Variants in LRP1 observed in about 807,000 individuals in gnomAD.
The protein encoded by LRP1 is prolow-density lipoprotein receptor-related protein 1.
LRP1 carries 51 observed loss-of-function variants against 541.5 expected under a neutral mutation model. That is an observed-to-expected ratio of 0.09 (90% CI 0.08 to 0.12). The LOEUF (loss-of-function observed/expected upper bound fraction) is 0.12, where lower values mean the gene tolerates loss of function less well. Among genes scored for constraint, LRP1 ranks in the 10% least tolerant of loss-of-function variants. The probability of loss-of-function intolerance (pLI) is 1.00; values close to 1 mark genes in which losing one functional copy is unlikely to be tolerated. For synonymous variants in LRP1, 2,219 were observed against 2,470.8 expected, an observed-to-expected ratio of 0.90 and a Z score of 3.02; for missense variants, 3,878 against 6,376.2, an observed-to-expected ratio of 0.61 and a Z score of 13.34.
intron 2 of LRP1, 91 bp from the exon 3 acceptor site, chr12:57,141,283 C>T (rs939152674): frequency 6.7e-7 from 1 of 1,496,668 alleles, no homozygotes; most frequent in Non-Finnish European, 9.1e-7. Flanking sequence ...ATCTGAAACC[C>T]CAGTTTTATC....
chr12:57,131,282 T>A (rs34518518), intron 1 of LRP1, among the ~76,000 whole-genome samples: 2,179 of 152,266 alleles, frequency 0.014, 24 homozygotes, highest in Non-Finnish European at 0.019. Flanking sequence ...CCCCTGCCCT[T>A]TGGGGAGTAA....
At chr12:57,157,095 CT>C (rs1406633313) in intron 10 of LRP1, among the ~76,000 whole-genome samples, 175 bp downstream of exon 10, 1 of 152,166 alleles carries the variant, frequency 6.6e-6, no homozygotes, top group Non-Finnish European at 1.5e-5. Flanking sequence ...GAAAAAAGTG[CT>C]TTTCTCACTC....
rs2036583548 is a variant in LRP1, at chr12:57,198,594, T to C, written c.9600T>C (p.Thr3200=). ...WPNGLTLDYV[T]ERIYWADARE... is the part of the protein sequence containing the mutation. Reference sequence around the variant, plus strand: ...ATGGCCTGACGCTGGACTATGTCACTGAGCGCATCTACTGGGCCGACGCCC... The same window carrying C: ...ATGGCCTGACGCTGGACTATGTCACCGAGCGCATCTACTGGGCCGACGCCC... The change falls in exon 60 of 89, where the codon ACT becomes ACC. Residue 3200 remains threonine, a synonymous_variant. Coordinates refer to ENST00000243077, the MANE Select transcript of LRP1 (RefSeq NM_002332.3). The C allele has an allele frequency of 1.2e-6, 2 of 1,613,920 alleles. No homozygotes were observed. Among genetic ancestry groups the C allele is most frequent in the Non-Finnish European group, 1.7e-6 (2 of 1,179,990 alleles).
rs572888478 is a variant in LRP1, at chr12:57,154,045, G to A, written c.842-163G>A. ...AGTCAACCAGCCAGCCAGCATTTAC[G>A]CAAGCCCTCCTGTATATCCACTCTG... On this transcript the variant is annotated intron_variant, in intron 6 of 88. Transcript: ENST00000243077. The surrounding 1 kb of genome is among the most constrained non-coding windows in gnomAD (Gnocchi z 4.6). 1.2e-4 allele frequency among the ~76,000 whole-genome samples: 18 copies of A among 152,232 alleles called. No individual in the cohort carries two copies. Among genetic ancestry groups the A allele is most frequent in the African/African-American group, 3.4e-4 (14 of 41,546 alleles).
intron 50 of LRP1, 134 bp from the exon 51 acceptor site, chr12:57,194,851 T>G: frequency 8.6e-7 from 1 of 1,168,130 alleles, no homozygotes; most frequent in Non-Finnish European, 1.2e-6. Context: ...TCAGAGACTC[T>G]GCCTCTAGCT....
chr12:57,157,597 C>T (rs1336925964), intron 10 of LRP1, among the ~76,000 whole-genome samples: 7 of 152,056 alleles, frequency 4.6e-5, no homozygotes, highest in African/African-American at 1.7e-4. Flanking sequence ...GATGACAGAG[C>T]GAGACTTCAT....
In LRP1 at chr12:57,197,147, A is replaced by G. The variant is rs1037812198; in HGVS notation, c.9058A>G (p.Ser3020Gly). The stretch of plus-strand genomic sequence containing the variant: ...TGCACCCCGCGGCGGCGACCCCCAC[A>G]GCTGCAAGGCTGTGACTGGTGAGAT... The part of the protein sequence containing the change: ...GYAPRGGDPH[S>G]CKAVTDEEPF... The change falls in exon 56 of 89, where the codon AGC (serine) becomes GGC (glycine). Residue 3020 changes from serine (S) to glycine (G), a missense_variant. By Grantham distance (56) the Ser-to-Gly change is moderately conservative. Transcript: ENST00000243077. The surrounding 1 kb of genome is among the most constrained non-coding windows in gnomAD (Gnocchi z 4.5). The G allele has an allele frequency of 6.2e-7, 1 of 1,613,978 alleles. No individual in the cohort carries two copies. Among genetic ancestry groups the G allele is most frequent in the Non-Finnish European group, 8.5e-7 (1 of 1,180,016 alleles).
At chr12:57,207,612 T>C (rs1427635117) in intron 76 of LRP1, among the ~76,000 whole-genome samples, 1 of 151,488 alleles carries the variant, frequency 6.6e-6, no homozygotes, top group African/African-American at 2.4e-5. Context: ...AGTCTTAGGA[T>C]TGTGTTCTGA....
chr12:57,209,937 C>T, intron 80 of LRP1, 69 bp downstream of exon 80: 1 of 1,594,762 alleles, frequency 6.3e-7, no homozygotes, highest in African/African-American at 1.3e-5. Context: ...AGCTGTGGCC[C>T]TGGGACCTGG....
At position 57,184,997 on chromosome 12, in the gene LRP1, G is replaced by A. The variant is rs1213298722; in HGVS notation, c.6338+7G>A. 1 of 1,613,890 alleles carries A rather than the reference G, an allele frequency of 6.2e-7. No homozygotes were observed. The highest frequency in any genetic ancestry group is 2.2e-5 in the East Asian group (1 of 44,888). On this transcript the variant is annotated splice_region_variant and intron_variant, in intron 39 of 88. Coordinates refer to ENST00000243077, the MANE Select transcript of LRP1 (RefSeq NM_002332.3). This position sits in a 1 kb window ranked among gnomAD's most constrained non-coding sequence, Gnocchi z 7.8. ...TCATCTACTGGAGTGACAGGTGAGG[G>A]CTTCTGTCCTGGCCTCCTCAGCTGA...
At chr12:57,202,042 G>C (rs1259333366) in intron 67 of LRP1, 137 bp downstream of exon 67, 2 of 1,172,532 alleles carry the variant, frequency 1.7e-6, no homozygotes, top group African/African-American at 3.0e-5. Flanking sequence ...TGGGCCTGCT[G>C]TGGGGCTGGG....
rs150323137 is a variant in LRP1, at chr12:57,186,451, G to T, written c.6841+543G>T. Among the ~76,000 whole-genome samples the T allele has an allele frequency of 1.3e-4, 20 of 152,250 alleles. No homozygotes were observed. The Middle Eastern group carries it at 0.01, about 78-fold the overall frequency. Reference sequence around the variant, plus strand: ...ATCCTGCTACATTTTCTCTTCTTCAGCCTGGTTACCACCGGGTCCCTTGAC... The same window carrying T: ...ATCCTGCTACATTTTCTCTTCTTCATCCTGGTTACCACCGGGTCCCTTGAC... On this transcript the variant is annotated intron_variant, in intron 41 of 88. Coordinates refer to ENST00000243077, the MANE Select transcript of LRP1 (RefSeq NM_002332.3).
At chr12:57,207,921 A>C (rs1208452283) in intron 76 of LRP1, 117 bp from the exon 77 acceptor site, 1 of 1,171,086 alleles carries the variant, frequency 8.5e-7, no homozygotes, top group African/African-American at 1.5e-5. Context: ...ATCTCTTTAA[A>C]GCCAGGGTCC....
intron 20 of LRP1, among the ~76,000 whole-genome samples, chr12:57,171,253 G>T (rs987933665): frequency 2.0e-5 from 3 of 152,218 alleles, no homozygotes; most frequent in African/African-American, 4.8e-5. Context: ...GAGGAGCAGG[G>T]TGTCACTATT....
rs2036481200 is a variant in LRP1 at position 57,194,400 on chromosome 12, G to A, written c.7965G>A (p.Val2655=). The change falls in exon 49 of 89, where the codon GTG becomes GTA. Residue 2655 remains valine (V), a synonymous_variant. Transcript: ENST00000243077. The part of the protein sequence containing the change: ...SSYFRLGVKG[V]LFQPCERTSL... Reference sequence around the variant, plus strand: ...ACTTCCGCCTGGGCGTGAAGGGCGTGCTCTTCCAGCCCTGCGAGCGGACCT... The same window carrying A: ...ACTTCCGCCTGGGCGTGAAGGGCGTACTCTTCCAGCCCTGCGAGCGGACCT... The A allele has an allele frequency of 6.6e-7, 1 of 1,520,006 alleles. No homozygotes were observed. Among genetic ancestry groups the A allele is most frequent in the East Asian group, 2.3e-5 (1 of 43,762 alleles). The allele number at this position is 1,520,006 out of a possible 1,614,324, so 94.2% of individuals were successfully genotyped here.
intron 33 of LRP1, 38 bp downstream of exon 33, chr12:57,180,845 G>T: frequency 6.2e-7 from 1 of 1,609,618 alleles, no homozygotes; most frequent in South Asian, 1.1e-5. Context: ...GGGCTCAGGG[G>T]CAACAGGGGA....
intron 6 of LRP1, among the ~76,000 whole-genome samples, chr12:57,153,293 T>C (rs552564956): frequency 2.0e-5 from 3 of 152,238 alleles, no homozygotes; most frequent in African/African-American, 7.2e-5. Flanking sequence ...TCCCCAGACT[T>C]CCTGCCTCCT....
chr12:57,177,088 G>A lies in LRP1; in HGVS notation c.4039G>A (p.Glu1347Lys). ...VVIQYGLATP[E>K]GLAVDWIAGN... ...GATTCAGTATGGCCTGGCCACACCCGAGGGCCTGGCTGTAGACTGGATTGC... is the reference window on the plus strand; with the variant it reads ...GATTCAGTATGGCCTGGCCACACCCAAGGGCCTGGCTGTAGACTGGATTGC... The change falls in exon 25 of 89, where the codon GAG (glutamate) becomes AAG (lysine). Residue 1347 changes from glutamate to lysine, a missense_variant. By Grantham distance (56) the Glu-to-Lys change is moderately conservative. Coordinates refer to ENST00000243077, the MANE Select transcript of LRP1 (RefSeq NM_002332.3). The surrounding 1 kb of genome is among the most constrained non-coding windows in gnomAD (Gnocchi z 6.8). 2 of 1,614,142 alleles carry A rather than the reference G, an allele frequency of 1.2e-6. No homozygotes were observed. Among genetic ancestry groups the A allele is most frequent in the Non-Finnish European group, 1.7e-6 (2 of 1,180,022 alleles).
In LRP1 at chr12:57,201,101, C is replaced by G; in HGVS notation, c.10293C>G (p.Phe3431Leu). 6.2e-7 allele frequency: 1 copy of G among 1,613,916 alleles called. No homozygotes were observed. Among genetic ancestry groups the G allele is most frequent in the Non-Finnish European group, 8.5e-7 (1 of 1,179,896 alleles). The part of the protein sequence containing the change: ...TNTNRCIPGI[F>L]RCNGQDNCGD... Reference sequence around the variant, plus strand: ...CCAACCGCTGTATTCCCGGCATCTTCCGCTGCAATGGGCAGGACAACTGCG... The same window carrying G: ...CCAACCGCTGTATTCCCGGCATCTTGCGCTGCAATGGGCAGGACAACTGCG... The change falls in exon 65 of 89, where the codon TTC becomes TTG. Residue 3431 changes from phenylalanine (F) to leucine (L), a missense_variant. By Grantham distance (22) the Phe-to-Leu change is conservative. Transcript: ENST00000243077. This position sits in a 1 kb window ranked among gnomAD's most constrained non-coding sequence, Gnocchi z 6.4.
Sources: gnomAD v4.1 joint callset for allele counts (sites outside exome capture counted in the v4.1 genomes callset) on GRCh38, gnomAD v4.1.1 for gene constraint, Gnocchi (gnomAD v3.1) non-coding constraint, MANE v1.5 for transcripts, NCBI Gene and HGNC (gene_info 2026-07-23, HGNC 2026-07-21) for gene names.